Variants in PKD1L1 observed in about 807,000 individuals in gnomAD.
PKD1L1 encodes polycystin 1 like 1, transient receptor potential channel interacting, also known as polycystin-1-like protein 1.
In PKD1L1, 236 loss-of-function variants were observed where a neutral mutation model predicts 323.4. The observed-to-expected ratio is 0.73, with a 90% CI of 0.66 to 0.81. PKD1L1 has a LOEUF of 0.81. PKD1L1 is among the 40% of genes least tolerant of loss of function. The pLI is 0.00. For synonymous variants in PKD1L1, 1,344 were observed against 1,335.0 expected (o/e 1.01, Z -0.15); for missense variants, 3,320 against 3,508.0 (o/e 0.95, Z 1.35).
chr7:47,880,004 T>C (rs2128746376), intron 21 of PKD1L1, among the ~76,000 whole-genome samples: 1 of 149,734 alleles, frequency 6.7e-6, no homozygotes, highest in South Asian at 2.1e-4. Context: ...CCTCTAGAAA[T>C]GGGGGAAAAT....
chr7:47,896,951 C>T (rs1786949475), intron 14 of PKD1L1, among the ~76,000 whole-genome samples: 1 of 152,186 alleles, frequency 6.6e-6, no homozygotes, highest in Non-Finnish European at 1.5e-5. Flanking sequence ...ATCAACATTT[C>T]TAAAGAAGAG....
Position 47,815,339 on chromosome 7 carries a change from C to T in PKD1L1, c.7084G>A (p.Ala2362Thr), listed in dbSNP as rs749522257. Residue 2362 changes from alanine (A) to threonine (T), a missense_variant, in exon 47 of 57, where the codon GCT (alanine) becomes ACT (threonine). Physicochemically the swap from Ala to Thr is moderately conservative, Grantham distance 58. Transcript: ENST00000289672. ...AGAGGAGACGGAAAGCTCACCTGAG[C>T]CCCCGGCACACGGGCTGACGGGGTG... ...GGTPSARVPG[A>T]QPGALGGKCY... The T allele has an allele frequency of 2.5e-6, 4 of 1,613,136 alleles. No homozygotes were observed. The highest frequency in any genetic ancestry group is 3.4e-6 in the Non-Finnish European group (4 of 1,179,612).
chr7:47,931,234 C>A lies in PKD1L1; in HGVS notation c.607G>T (p.Asp203Tyr), dbSNP rs1787766064. ...CVLRLLCCAE[D>Y]VATGLLPGTV... ...CCAGGAAGCAGCCCCGTGGCCACATCCTCCGCACAGCACAGCAGTCTCAGG... is the reference window on the plus strand; with the variant it reads ...CCAGGAAGCAGCCCCGTGGCCACATACTCCGCACAGCACAGCAGTCTCAGG... The change falls in exon 6 of 57, where the codon GAT (aspartate) becomes TAT (tyrosine). Residue 203 changes from aspartate (D) to tyrosine (Y), a missense_variant. Transcript: ENST00000289672. The A allele has an allele frequency of 1.2e-6, 2 of 1,614,258 alleles. No homozygotes were observed. Among genetic ancestry groups the A allele is most frequent in the Non-Finnish European group, 1.7e-6 (2 of 1,180,048 alleles).
intron 45 of PKD1L1, among the ~76,000 whole-genome samples, chr7:47,826,598 T>C (rs1785244046): frequency 6.6e-6 from 1 of 152,184 alleles, no homozygotes; most frequent in Admixed American, 6.5e-5. Context: ...TCCCAAGTCC[T>C]TGACAAACTA....
chr7:47,868,245 T>G (rs955440062), intron 24 of PKD1L1, among the ~76,000 whole-genome samples: 1 of 152,144 alleles, frequency 6.6e-6, no homozygotes, highest in Non-Finnish European at 1.5e-5. Context: ...GGTGTGTGCC[T>G]GTAATCCCAG....
intron 7 of PKD1L1, among the ~76,000 whole-genome samples, chr7:47,916,513 G>T (rs1180529874): frequency 6.6e-6 from 1 of 152,192 alleles, no homozygotes; most frequent in African/African-American, 2.4e-5. Context: ...CAGAACAACT[G>T]CAGGAATAAA....
chr7:47,870,459 A>ACC (rs1786258628), intron 24 of PKD1L1, among the ~76,000 whole-genome samples: 1 of 152,170 alleles, frequency 6.6e-6, no homozygotes, highest in African/African-American at 2.4e-5. Flanking sequence ...AATAAAAAGG[A>ACC]TTATAGGAGA....
chr7:47,813,833 G>C, intron 48 of PKD1L1, 98 bp downstream of exon 48: 1 of 1,035,152 alleles, frequency 9.7e-7, no homozygotes, highest in Non-Finnish European at 1.5e-6. Context: ...TGAACTCACA[G>C]AGAAGTTCAA....
At chr7:47,825,495 C>A (rs528047787) in intron 45 of PKD1L1, among the ~76,000 whole-genome samples, 6 of 147,820 alleles carry the variant, frequency 4.1e-5, no homozygotes, top group South Asian at 4.3e-4. Flanking sequence ...TGAGCCACTG[C>A]ATTCCAGCCT....
At chr7:47,908,861 G>A (rs1787262118) in intron 8 of PKD1L1, among the ~76,000 whole-genome samples, 4 of 152,108 alleles carry the variant, frequency 2.6e-5, no homozygotes, top group Admixed American at 6.5e-5. Context: ...TTCTTGTCTT[G>A]GGACCTCTGT....
At chr7:47,781,404 G>GTT (rs1370272679) in intron 56 of PKD1L1, among the ~76,000 whole-genome samples, 5 of 70,706 alleles carry the variant, frequency 7.1e-5, no homozygotes, top group Non-Finnish European at 1.2e-4. Context: ...TTTTTGTTTT[G>GTT]TTTTGTTTTT....
intron 40 of PKD1L1, among the ~76,000 whole-genome samples, chr7:47,833,793 AC>A (rs1785398829): frequency 6.6e-6 from 1 of 152,172 alleles, no homozygotes; most frequent in African/African-American, 2.4e-5. Context: ...GGGCAGTCAC[AC>A]AGATCTGAAA....
chr7:47,885,733 C>A lies in PKD1L1; in HGVS notation c.3158G>T (p.Arg1053Leu), dbSNP rs10274334. 1 of 1,613,760 alleles carries A rather than the reference C, an allele frequency of 6.2e-7. No individual in the cohort carries two copies. Among genetic ancestry groups the A allele is most frequent in the East Asian group, 2.2e-5 (1 of 44,854 alleles). ...GTGGGTGGGCTGACTTCTCTCAGAG[C>A]GGCCAGTCATCAGGGATCCCTTGCT... ...PQSKGSLMTG[R>L]SERSQPTHSP... is the part of the protein sequence containing the mutation. The change falls in exon 18 of 57, where the codon CGC becomes CTC. Residue 1053 changes from arginine to leucine, a missense_variant. Arg to Leu is a moderately radical substitution (Grantham distance 102). Transcript: ENST00000289672.
intron 44 of PKD1L1, among the ~76,000 whole-genome samples, chr7:47,828,466 G>C (rs1303148940): frequency 6.6e-6 from 1 of 152,084 alleles, no homozygotes; most frequent in Non-Finnish European, 1.5e-5. Context: ...AGGTGCTGCA[G>C]GGCGGGGGGT....
At chr7:47,896,908 C>G (rs1336246635) in intron 14 of PKD1L1, among the ~76,000 whole-genome samples, 1 of 152,190 alleles carries the variant, frequency 6.6e-6, no homozygotes, top group Non-Finnish European at 1.5e-5. Context: ...CTCCCAACAT[C>G]CCATCCTTCA....
At chr7:47,952,988 G>A (rs894148651), upstream of PKD1L1, among the ~76,000 whole-genome samples, 2 of 152,006 alleles carry the variant, frequency 1.3e-5, no homozygotes, top group African/African-American at 4.8e-5. Context: ...AAATGCCTTG[G>A]GTCCTTTGGC....
intron 54 of PKD1L1, among the ~76,000 whole-genome samples, chr7:47,800,427 T>C (rs1784634694): frequency 6.6e-6 from 1 of 152,058 alleles, no homozygotes; most frequent in African/African-American, 2.4e-5. Flanking sequence ...CACCCTGGGG[T>C]GGCTGCTCTC....
intron 20 of PKD1L1, among the ~76,000 whole-genome samples, chr7:47,881,697 C>T (rs1370466930): frequency 6.6e-6 from 1 of 152,216 alleles, no homozygotes; most frequent in South Asian, 2.1e-4. Flanking sequence ...TTGGTCTACA[C>T]ACATGGATCT....
chr7:47,904,689 G>A lies in PKD1L1; in HGVS notation c.1692-72C>T, dbSNP rs574183905. 4.4e-5 allele frequency: 66 copies of A among 1,507,338 alleles called. 1 individual carries two copies. The African/African-American group carries it at 6.1e-4, about 14-fold the overall frequency. The allele number at this position is 1,507,338 out of a possible 1,614,324, so 93.4% of individuals were successfully genotyped here. ...GAACAGGGTCAGGTCTAGAGAAACCGTCTGCTATACTTTAAGAGGAAGGCG... is the reference window on the plus strand; with the variant it reads ...GAACAGGGTCAGGTCTAGAGAAACCATCTGCTATACTTTAAGAGGAAGGCG... On this transcript the variant is annotated intron_variant, in intron 11 of 56. Transcript: ENST00000289672.
Sources: allele counts gnomAD v4.1 joint callset (sites outside exome capture counted in the v4.1 genomes callset), GRCh38; gene constraint gnomAD v4.1.1; transcripts MANE v1.5; gene names NCBI Gene and HGNC (gene_info 2026-07-23, HGNC 2026-07-21).